The following GNA11 variants were observed in gnomAD, a reference collection of about 807,000 sequenced individuals.
GNA11 encodes the protein guanine nucleotide-binding protein subunit alpha-11.
In GNA11, 8 loss-of-function variants were observed where a neutral mutation model predicts 38.2. That is an observed-to-expected ratio of 0.21 (90% CI 0.12 to 0.38). GNA11 has a LOEUF of 0.38. Among genes scored for constraint, GNA11 ranks in the 10% least tolerant of loss-of-function variants. GNA11 has a pLI of 1.00. For missense variants in GNA11, 268 were observed against 516.3 expected (o/e 0.52, Z 4.66); for synonymous variants, 211 against 221.4 (o/e 0.95, Z 0.42).
At position 3,120,572 on chromosome 19, in the gene GNA11, G is replaced by T. The variant is rs373691238; in HGVS notation, c.890-417G>T. ...GGCTGCAGCAGGGGCACCGTGGGTG[G>T]GTGGGGGCCACTGTTCCTGCTCTGT... On this transcript the variant is annotated intron_variant, in intron 6 of 6. Coordinates refer to ENST00000078429, the MANE Select transcript of GNA11 (RefSeq NM_002067.5). The surrounding 1 kb of genome is among the most constrained non-coding windows in gnomAD (Gnocchi z 5.9). 1.5e-4 allele frequency among the ~76,000 whole-genome samples: 23 copies of T among 152,166 alleles called. No individual in the cohort carries two copies. In the East Asian group the frequency reaches 1.5e-3, roughly 10 times the overall value.
At chr19:3,102,272 C>T (rs963238761) in intron 1 of GNA11, among the ~76,000 whole-genome samples, 7 of 152,210 alleles carry the variant, frequency 4.6e-5, no homozygotes, top group Admixed American at 6.5e-5. Flanking sequence ...CGGCGAGGGG[C>T]AGTTAGTATC....
At chr19:3,100,123 G>A (rs1042078416) in intron 1 of GNA11, among the ~76,000 whole-genome samples, 2 of 104,726 alleles carry the variant, frequency 1.9e-5, no homozygotes, top group African/African-American at 6.1e-5. Flanking sequence ...ATCCTGCCCT[G>A]GGATCTGGGA....
intron 4 of GNA11, chr19:3,118,213 T>TTGTATTCTTTCAAGGAGACCAA (rs1284124010): frequency 1.3e-5 from 2 of 152,124 alleles, no homozygotes; most frequent in Admixed American, 1.3e-4. Context: ...GCTTCTGCCT[T>TTGTATTCTTTCAAGGAGACCAA]TGTATTCTTT....
At chr19:3,103,877 C>T (rs865912566) in intron 1 of GNA11, among the ~76,000 whole-genome samples, 1 of 151,954 alleles carries the variant, frequency 6.6e-6, no homozygotes, top group Non-Finnish European at 1.5e-5. Context: ...AGTGGAGACG[C>T]GGTTTCACCG....
At chr19:3,111,171 T>C (rs549581748) in intron 2 of GNA11, among the ~76,000 whole-genome samples, 1 of 152,262 alleles carries the variant, frequency 6.6e-6, no homozygotes, top group East Asian at 1.9e-4. Flanking sequence ...ACAGCTTTAT[T>C]GAGTTATAAT....
chr19:3,114,733 A>G (rs541737321), intron 3 of GNA11, among the ~76,000 whole-genome samples: 7 of 152,126 alleles, frequency 4.6e-5, no homozygotes, highest in Non-Finnish European at 1.0e-4. Flanking sequence ...GAGACCCCAG[A>G]GAGGATAGAG....
At position 3,121,102 on chromosome 19, in the gene GNA11, G is replaced by A. The variant is rs2145329168; in HGVS notation, c.1003G>A (p.Glu335Lys). The change falls in exon 7 of 7, where the codon GAG becomes AAG. Residue 335 changes from glutamate (E) to lysine (K), a missense_variant. Glu to Lys is a moderately conservative substitution (Grantham distance 56). Around this residue, in one of 3 missense-constraint regions of GNA11, gnomAD observed 92 missense variants for 166.7 expected, o/e 0.55. Coordinates refer to ENST00000078429, the MANE Select transcript of GNA11 (RefSeq NM_002067.5). Reference sequence around the variant, plus strand: ...ACACTTCACGTGTGCCACCGACACGGAGAACATCCGCTTCGTGTTCGCGGC... The same window carrying A: ...ACACTTCACGTGTGCCACCGACACGAAGAACATCCGCTTCGTGTTCGCGGC... ...YSHFTCATDT[E>K]NIRFVFAAVK... 1 of 1,613,796 alleles carries A rather than the reference G, an allele frequency of 6.2e-7. No individual in the cohort carries two copies. The highest frequency in any genetic ancestry group is 8.5e-7 in the Non-Finnish European group (1 of 1,179,804).
At chr19:3,112,036 A>G (rs1415360688) in intron 2 of GNA11, among the ~76,000 whole-genome samples, 1 of 152,202 alleles carries the variant, frequency 6.6e-6, no homozygotes, top group East Asian at 1.9e-4. Context: ...TTTTGTCGAT[A>G]AAGTTTTATT....
At chr19:3,109,573 C>T (rs1913718979) in intron 1 of GNA11, among the ~76,000 whole-genome samples, 1 of 152,238 alleles carries the variant, frequency 6.6e-6, no homozygotes, top group African/African-American at 2.4e-5. Context: ...GACCCCGCCA[C>T]AGCACCAAGA....
At position 3,118,950 on chromosome 19, in the gene GNA11, C is replaced by T. The variant is rs587777022; in HGVS notation, c.632C>T (p.Ser211Leu). ...ATGGTGGATGTGGGGGGCCAGCGGTCGGAGCGGAGGAAGTGGATCCACTGC... is the reference window on the plus strand; with the variant it reads ...ATGGTGGATGTGGGGGGCCAGCGGTTGGAGCGGAGGAAGTGGATCCACTGC... Reference protein sequence around the residue: ...FRMVDVGGQRSERRKWIHCFE... With the variant: ...FRMVDVGGQRLERRKWIHCFE... The change falls in exon 5 of 7, where the codon TCG becomes TTG. Residue 211 changes from serine to leucine, a missense_variant. Transcript: ENST00000078429. 2.5e-6 allele frequency: 4 copies of T among 1,613,682 alleles called. No individual in the cohort carries two copies. Among genetic ancestry groups the T allele is most frequent in the East Asian group, 2.2e-5 (1 of 44,862 alleles).
At chr19:3,116,420 C>T (rs1028920407) in intron 4 of GNA11, among the ~76,000 whole-genome samples, 1 of 152,170 alleles carries the variant, frequency 6.6e-6, no homozygotes, top group African/African-American at 2.4e-5. Context: ...GGGATCTGCC[C>T]AGGCCTCACT....
chr19:3,102,140 C>G (rs952306486), intron 1 of GNA11, among the ~76,000 whole-genome samples: 2 of 150,630 alleles, frequency 1.3e-5, no homozygotes, highest in East Asian at 1.9e-4. Flanking sequence ...AAAAAAAAAA[C>G]GTAGAAAACA....
In GNA11 at chr19:3,113,360, G is replaced by C. The variant is rs754271296; in HGVS notation, c.352G>C (p.Val118Leu). ...TGCGCTCCTGATCCGGGAGGTGGACGTGGAGAAGGTGACCACCTTCGAGCA... is the reference window on the plus strand; with the variant it reads ...TGCGCTCCTGATCCGGGAGGTGGACCTGGAGAAGGTGACCACCTTCGAGCA... ...ANALLIREVD[V>L]EKVTTFEHQY... The change falls in exon 3 of 7, where the codon GTG becomes CTG. Residue 118 changes from valine (V) to leucine (L), a missense_variant. By Grantham distance (32) the Val-to-Leu change is conservative. Transcript: ENST00000078429. 6.2e-7 allele frequency: 1 copy of C among 1,613,306 alleles called. No homozygotes were observed. The highest frequency in any genetic ancestry group is 8.5e-7 in the Non-Finnish European group (1 of 1,179,894).
chr19:3,102,715 C>A (rs944666588), intron 1 of GNA11, among the ~76,000 whole-genome samples: 1 of 152,144 alleles, frequency 6.6e-6, no homozygotes. Flanking sequence ...GGCATGAGGC[C>A]CCTTGTGAAG....
At position 3,095,523 on chromosome 19, in the gene GNA11, A is replaced by AC. The variant is rs539944321; in HGVS notation, c.136+743dup. ...TGTACCCTCCATGCAGGCCCTGTAC[A>AC]CCCCCCCATCCCCCCGAAGACTCCT... On this transcript the variant is annotated intron_variant, in intron 1 of 6. Transcript: ENST00000078429. 7.6e-4 allele frequency among the ~76,000 whole-genome samples: 111 copies of AC among 146,104 alleles called. 1 individual carries two copies. In the East Asian group the frequency reaches 0.019, roughly 25 times the overall value.
rs769982397 is a variant in GNA11 at position 3,115,050 on chromosome 19, G to A, written c.583G>A (p.Asp195Asn). Residue 195 changes from aspartate to asparagine, a missense_variant, in exon 4 of 7, where the codon GAC becomes AAC. Transcript: ENST00000078429. Reference sequence around the variant, plus strand: ...CACCGGCATCATCGAGTACCCTTTCGACCTGGAGAACATCATCTTCCGGTA... The same window carrying A: ...CACCGGCATCATCGAGTACCCTTTCAACCTGGAGAACATCATCTTCCGGTA... ...PTTGIIEYPF[D>N]LENIIFRMVD... 6.8e-6 allele frequency: 11 copies of A among 1,613,126 alleles called. No individual in the cohort carries two copies. Among genetic ancestry groups the A allele is most frequent in the African/African-American group, 5.3e-5 (4 of 74,924 alleles).
At chr19:3,097,650 G>A (rs118100825) in intron 1 of GNA11, among the ~76,000 whole-genome samples, 3,408 of 152,356 alleles carry the variant, frequency 0.022, 62 homozygotes, top group Non-Finnish European at 0.032. Context: ...AGGACATTCC[G>A]TGCCCCGTTT....
At chr19:3,097,201 G>T (rs2145303099) in intron 1 of GNA11, among the ~76,000 whole-genome samples, 1 of 148,044 alleles carries the variant, frequency 6.8e-6, no homozygotes, top group Non-Finnish European at 1.5e-5. Context: ...AGGGGCTGTT[G>T]GGCTGCAGCA....
chr19:3,110,276 G>A lies in GNA11; in HGVS notation c.264G>A (p.Gln88=), dbSNP rs774842486. ...ACCAGAACATCTTCACCGCCATGCA[G>A]GCCATGATCCGGGCCATGGAGACGC... is the stretch of plus-strand genomic sequence containing the variant. ...LVYQNIFTAM[Q]AMIRAMETLK... The change falls in exon 2 of 7, where the codon CAG becomes CAA. Residue 88 remains glutamine, a synonymous_variant. Transcript: ENST00000078429. This position sits in a 1 kb window ranked among gnomAD's most constrained non-coding sequence, Gnocchi z 5.4. 1 of 1,614,062 alleles carries A rather than the reference G, an allele frequency of 6.2e-7. No individual in the cohort carries two copies. Among genetic ancestry groups the A allele is most frequent in the East Asian group, 2.2e-5 (1 of 44,872 alleles).
Sources: gnomAD v4.1 joint callset for allele counts (sites outside exome capture counted in the v4.1 genomes callset) on GRCh38, gnomAD v4.1.1 for gene constraint, gnomAD v4.1.1 regional missense constraint, Gnocchi (gnomAD v3.1) non-coding constraint, MANE v1.5 for transcripts, NCBI Gene and HGNC (gene_info 2026-07-23, HGNC 2026-07-21) for gene names.